Variants in PLEKHS1 observed in about 807,000 individuals in gnomAD.
PLEKHS1 encodes pleckstrin homology domain-containing family S member 1.
PLEKHS1 carries 55 observed loss-of-function variants against 51.0 expected under a neutral mutation model. The ratio of observed to expected loss-of-function variants is 1.08; its 90% CI spans 0.87 to 1.35. PLEKHS1 has a LOEUF of 1.35. PLEKHS1 is among the 40% of genes most tolerant of loss of function. The pLI is 0.00. For synonymous variants in PLEKHS1, 153 were observed against 144.8 expected, an observed-to-expected ratio of 1.06 and a Z score of -0.41; for missense variants, 398 against 423.0, an observed-to-expected ratio of 0.94 and a Z score of 0.52.
chr10:113,781,372 C>A (rs1340480003), exon 12 of PLEKHS1: 1 of 88,978 alleles, frequency 1.1e-5, no homozygotes, highest in African/African-American at 4.3e-5. Context: ...CAGACACCTC[C>A]TTCCCAACAC....
intron 2 of PLEKHS1, among the ~76,000 whole-genome samples, chr10:113,764,524 GTTTTC>G (rs1254359458): frequency 1.3e-5 from 2 of 151,756 alleles, no homozygotes; most frequent in Non-Finnish European, 2.9e-5. Flanking sequence ...TTTAAGATTT[GTTTTC>G]TTTATTGCTG....
chr10:113,777,701 A>G (rs1009497590), intron 11 of PLEKHS1: 3 of 1,522,054 alleles, frequency 2.0e-6, no homozygotes, highest in Non-Finnish European at 2.6e-6. Flanking sequence ...CAATAAAGCT[A>G]CTAGTTACTT....
chr10:113,775,025 A>G (rs777609589), exon 10 of PLEKHS1: 325 of 1,613,874 alleles, frequency 2.0e-4, no homozygotes, highest in Non-Finnish European at 2.7e-4. Context: ...GCAATTGTCT[A>G]TATTAATCAA....
chr10:113,767,535 A>G, intron 5 of PLEKHS1, 56 bp downstream of exon 5: 1 of 1,508,764 alleles, frequency 6.6e-7, no homozygotes, highest in South Asian at 1.3e-5. Context: ...AAAACAAACC[A>G]AAAAACAAAA....
intron 2 of PLEKHS1, among the ~76,000 whole-genome samples, chr10:113,763,466 T>C (rs1844031404): frequency 6.6e-6 from 1 of 152,204 alleles, no homozygotes; most frequent in Non-Finnish European, 1.5e-5. Context: ...CAGGTTTAAA[T>C]GTATCATATT....
At chr10:113,780,389 C>T (rs1236638398) in intron 11 of PLEKHS1, among the ~76,000 whole-genome samples, 1 of 152,244 alleles carries the variant, frequency 6.6e-6, no homozygotes, top group South Asian at 2.1e-4. Context: ...GCTCAGCTTC[C>T]TTTTCAGGCC....
At chr10:113,776,098 C>G (rs1844644229) in intron 11 of PLEKHS1, among the ~76,000 whole-genome samples, 1 of 152,252 alleles carries the variant, frequency 6.6e-6, no homozygotes, top group Non-Finnish European at 1.5e-5. Context: ...CCCAAAAGTT[C>G]AGGAAGCAGC....
At chr10:113,756,574 C>T (rs1212190737) in intron 2 of PLEKHS1, among the ~76,000 whole-genome samples, 2 of 152,040 alleles carry the variant, frequency 1.3e-5, no homozygotes, top group Admixed American at 6.6e-5. Flanking sequence ...GCTATGGAGT[C>T]TGAAGAAGAA....
At chr10:113,778,923 G>A (rs11598412) in intron 11 of PLEKHS1, among the ~76,000 whole-genome samples, 49 of 152,160 alleles carry the variant, frequency 3.2e-4, no homozygotes, top group Non-Finnish European at 5.6e-4. Context: ...GAGCCACTGC[G>A]CCCGGCCCAT....
At position 113,766,656 on chromosome 10, in the gene PLEKHS1, A is replaced by AAAG. The variant is rs1309408216; in HGVS notation, c.164_166dup (p.Lys55dup). 3.7e-6 allele frequency: 6 copies of AAAG among 1,613,196 alleles called. No homozygotes were observed. In the South Asian group the frequency reaches 6.6e-5, roughly 18 times the overall value. On this transcript the variant is annotated inframe_insertion, in exon 4 of 12. Transcript: ENST00000361048. The stretch of plus-strand genomic sequence containing the variant: ...TTTTCATCCTGTCAAAGGCTGGGGA[A>AAAG]AAGAGCTTTAGTCTTTCCTATTATA...
intron 11 of PLEKHS1, 75 bp from the exon 12 acceptor site, chr10:113,777,049 A>C (rs969182151): frequency 1.9e-5 from 29 of 1,559,088 alleles, no homozygotes; most frequent in Non-Finnish European, 2.4e-5. Context: ...ACCTAGAATC[A>C]GGAGACCCTG....
At chr10:113,754,422 T>C (rs939989970) in intron 1 of PLEKHS1, among the ~76,000 whole-genome samples, 9 of 152,148 alleles carry the variant, frequency 5.9e-5, no homozygotes, top group African/African-American at 1.9e-4. Context: ...CATCCTATGA[T>C]GGTCATAGGA....
intron 4 of PLEKHS1, 104 bp from the exon 5 acceptor site, chr10:113,767,241 T>C (rs1328711160): frequency 1.5e-5 from 12 of 819,100 alleles, no homozygotes; most frequent in Non-Finnish European, 1.5e-5. Flanking sequence ...GAAACATGGA[T>C]CCAGCACATC....
chr10:113,754,880 T>A (rs556074615), intron 1 of PLEKHS1, among the ~76,000 whole-genome samples: 26 of 152,226 alleles, frequency 1.7e-4, no homozygotes, highest in South Asian at 8.3e-4. Flanking sequence ...CTTTCTCGGC[T>A]ACGTTGGCTC....
chr10:113,762,558 C>CA, intron 2 of PLEKHS1, among the ~76,000 whole-genome samples: 1 of 151,578 alleles, frequency 6.6e-6, no homozygotes, highest in Non-Finnish European at 1.5e-5. Flanking sequence ...TCATCCAGTT[C>CA]AAAAAACTTT....
At chr10:113,766,255 T>C (rs1844154772) in intron 2 of PLEKHS1, among the ~76,000 whole-genome samples, 156 bp from the exon 3 acceptor site, 1 of 152,206 alleles carries the variant, frequency 6.6e-6, no homozygotes, top group South Asian at 2.1e-4. Flanking sequence ...GAATCATACA[T>C]TTGGTCCTTT....
intron 4 of PLEKHS1, 42 bp downstream of exon 4, chr10:113,766,760 A>C: frequency 7.1e-7 from 1 of 1,416,156 alleles, no homozygotes; most frequent in Non-Finnish European, 9.7e-7. Context: ...AACAAATACT[A>C]TAAAGTCAAA....
intron 2 of PLEKHS1, among the ~76,000 whole-genome samples, chr10:113,761,147 A>C (rs1054735152): frequency 3.3e-5 from 5 of 152,138 alleles, no homozygotes; most frequent in Admixed American, 1.3e-4. Context: ...TATGTGTCTT[A>C]TCTGTCCTTA....
rs1209997816 is a variant in PLEKHS1 at position 113,763,654 on chromosome 10, C to G, written c.29-2757C>G. ...CTTTAGGGTTTATACACATCACAGT[C>G]TAACTTCAAGTGATAGTATACCAAT... On this transcript the variant is annotated intron_variant, in intron 2 of 11. Transcript: ENST00000361048. Among the ~76,000 whole-genome samples the G allele has an allele frequency of 5.3e-5, 8 of 152,238 alleles. No individual in the cohort carries two copies. The East Asian group carries it at 1.2e-3, about 22-fold the overall frequency.
Sources: gnomAD v4.1 joint callset for allele counts (sites outside exome capture counted in the v4.1 genomes callset) on GRCh38, gnomAD v4.1.1 for gene constraint, MANE v1.5 for transcripts, NCBI Gene and HGNC (gene_info 2026-07-23, HGNC 2026-07-21) for gene names.